Variants in RFTN1 observed in about 807,000 individuals in gnomAD.
The protein encoded by RFTN1 is raftlin, lipid raft linker 1, also known as raftlin.
RFTN1 carries 26 observed loss-of-function variants against 46.5 expected under a neutral mutation model. That is an observed-to-expected ratio of 0.56 (90% CI 0.41 to 0.78). The LOEUF (loss-of-function observed/expected upper bound fraction) is 0.78. Ranked by LOEUF, RFTN1 falls within the 30% of genes least tolerant of loss-of-function variation. The pLI, the probability that RFTN1 is intolerant of heterozygous loss-of-function variation, is 0.00. For missense variants in RFTN1, 693 were observed against 718.7 expected (o/e 0.96, Z 0.41); for synonymous variants, 261 against 284.2 (o/e 0.92, Z 0.82).
At position 16,449,914 on chromosome 3, in the gene RFTN1, T is replaced by C. The variant is rs2075796013; in HGVS notation, c.146-15877A>G. Among the ~76,000 whole-genome samples the C allele has an allele frequency of 6.6e-6, 1 of 152,028 alleles. No homozygotes were observed. The highest frequency in any genetic ancestry group is 2.4e-5 in the African/African-American group (1 of 41,372). ...AGCCTAGAGAGCTGGTTCTAGAAAA[T>C]GGCCCCATCTCTAGAAGTGACCAGG... On this transcript the variant is annotated intron_variant, in intron 2 of 9. Coordinates refer to ENST00000334133, the MANE Select transcript of RFTN1 (RefSeq NM_015150.2). The surrounding 1 kb of genome is among the most constrained non-coding windows in gnomAD (Gnocchi z 5.1).
At chr3:16,470,829 CA>C (rs1559363523) in intron 2 of RFTN1, among the ~76,000 whole-genome samples, 1 of 152,310 alleles carries the variant, frequency 6.6e-6, no homozygotes, top group East Asian at 1.9e-4. Context: ...ACAAAAATGT[CA>C]TAAAAAATGT....
chr3:16,317,295 G>T lies in RFTN1; in HGVS notation c.1333-63C>A, dbSNP rs2068512824. ...CCGGGAACCCAGAGCTTCACCCAAAGCCTTGTTTGCATTCATACCCACACC... is the reference window on the plus strand; with the variant it reads ...CCGGGAACCCAGAGCTTCACCCAAATCCTTGTTTGCATTCATACCCACACC... On this transcript the variant is annotated intron_variant, in intron 9 of 9. Coordinates refer to ENST00000334133, the MANE Select transcript of RFTN1 (RefSeq NM_015150.2). This position sits in a 1 kb window ranked among gnomAD's most constrained non-coding sequence, Gnocchi z 4.3. 3.9e-6 allele frequency: 6 copies of T among 1,550,996 alleles called. No individual in the cohort carries two copies. Among genetic ancestry groups the T allele is most frequent in the Non-Finnish European group, 5.2e-6 (6 of 1,143,178 alleles).
intron 4 of RFTN1, among the ~76,000 whole-genome samples, chr3:16,390,914 T>C (rs1014264363): frequency 2.0e-5 from 3 of 152,250 alleles, no homozygotes; most frequent in Non-Finnish European, 4.4e-5. Flanking sequence ...ACATTTTCTT[T>C]TAAAGTTTTT....
intron 3 of RFTN1, among the ~76,000 whole-genome samples, chr3:16,431,234 C>T (rs1240244875): frequency 3.3e-5 from 5 of 152,214 alleles, no homozygotes; most frequent in Non-Finnish European, 7.3e-5. Context: ...CTGGTGCTTA[C>T]AGCTCTCCTA....
chr3:16,399,534 C>T (rs1487997408), intron 4 of RFTN1, among the ~76,000 whole-genome samples: 3 of 152,176 alleles, frequency 2.0e-5, no homozygotes, highest in African/African-American at 7.2e-5. Flanking sequence ...GCCTCCATCC[C>T]CCACACTCAG....
In RFTN1 at chr3:16,460,299, A is replaced by G. The variant is rs2075985383; in HGVS notation, c.146-26262T>C. Among the ~76,000 whole-genome samples, 1 of 152,112 alleles carries G rather than the reference A, an allele frequency of 6.6e-6. No homozygotes were observed. Among genetic ancestry groups the G allele is most frequent in the Non-Finnish European group, 1.5e-5 (1 of 68,024 alleles). ...ACATGGGTAGCATTTATATTAACTA[A>G]ATTTGGTTTTCATTTTAGAAACAAA... On this transcript the variant is annotated intron_variant, in intron 2 of 9. Coordinates refer to ENST00000334133, the MANE Select transcript of RFTN1 (RefSeq NM_015150.2). The surrounding 1 kb of genome is among the most constrained non-coding windows in gnomAD (Gnocchi z 4.8).
chr3:16,428,945 G>A lies in RFTN1; in HGVS notation c.332+4906C>T, dbSNP rs1213194124. On this transcript the variant is annotated intron_variant, in intron 3 of 9. Coordinates refer to ENST00000334133, the MANE Select transcript of RFTN1 (RefSeq NM_015150.2). This position sits in a 1 kb window ranked among gnomAD's most constrained non-coding sequence, Gnocchi z 4.7. ...CTTAACTATACTTAGAATTCAGAGT[G>A]AGTGCAACTATATTGTCTATTAAAA... is the stretch of plus-strand genomic sequence containing the variant. Among the ~76,000 whole-genome samples the A allele has an allele frequency of 1.3e-5, 2 of 152,216 alleles. No homozygotes were observed. Among genetic ancestry groups the A allele is most frequent in the African/African-American group, 2.4e-5 (1 of 41,472 alleles).
In RFTN1 at chr3:16,489,216, G is replaced by A. The variant is rs371301406; in HGVS notation, c.145+4509C>T. Among the ~76,000 whole-genome samples the A allele has an allele frequency of 2.0e-5, 3 of 152,040 alleles. No homozygotes were observed. The highest frequency in any genetic ancestry group is 4.4e-5 in the Non-Finnish European group (3 of 68,012). ...GCAGATCACCTGAGATCAGGAGTTC[G>A]AGACCAGCCTGGCCAACATGGCAAA... On this transcript the variant is annotated intron_variant, in intron 2 of 9. Coordinates refer to ENST00000334133, the MANE Select transcript of RFTN1 (RefSeq NM_015150.2). The surrounding 1 kb of genome is among the most constrained non-coding windows in gnomAD (Gnocchi z 4.0).
Position 16,478,831 on chromosome 3 carries a change from T to A in RFTN1, c.145+14894A>T, listed in dbSNP as rs1187818305. ...CTCCCTCAGTTCCTTGCCACATGGG[T>A]CTCTCCACAGGTCAGCTCACAACAC... On this transcript the variant is annotated intron_variant, in intron 2 of 9. Transcript: ENST00000334133. Among the ~76,000 whole-genome samples, 6 of 152,264 alleles carry A rather than the reference T, an allele frequency of 3.9e-5. No individual in the cohort carries two copies. The East Asian group carries it at 1.2e-3, about 29-fold the overall frequency.
At chr3:16,417,678 G>A (rs1276934348) in intron 3 of RFTN1, among the ~76,000 whole-genome samples, 1 of 152,198 alleles carries the variant, frequency 6.6e-6, no homozygotes, top group Non-Finnish European at 1.5e-5. Context: ...GGAAGGGTCA[G>A]ATGGCCAAAC....
intron 2 of RFTN1, among the ~76,000 whole-genome samples, chr3:16,477,595 G>C (rs1320527392): frequency 6.6e-6 from 1 of 152,168 alleles, no homozygotes; most frequent in Non-Finnish European, 1.5e-5. Context: ...GGGACATATG[G>C]GAAGAGCCAA....
chr3:16,463,911 T>C (rs1053792218), intron 2 of RFTN1, among the ~76,000 whole-genome samples: 5 of 152,208 alleles, frequency 3.3e-5, no homozygotes, highest in African/African-American at 1.2e-4. Context: ...AGGTTGCTCC[T>C]GGCTTACACC....
At position 16,433,785 on chromosome 3, in the gene RFTN1, C is replaced by T; in HGVS notation, c.332+66G>A. On this transcript the variant is annotated intron_variant, in intron 3 of 9. Transcript: ENST00000334133. This position sits in a 1 kb window ranked among gnomAD's most constrained non-coding sequence, Gnocchi z 4.4. ...AACCCCCAACCCCATCCTCTCACTTCCCCTCCTCTATTGAGCATAACTTAG... is the reference window on the plus strand; with the variant it reads ...AACCCCCAACCCCATCCTCTCACTTTCCCTCCTCTATTGAGCATAACTTAG... The T allele has an allele frequency of 6.5e-7, 1 of 1,536,270 alleles. No homozygotes were observed. The highest frequency in any genetic ancestry group is 9.0e-7 in the Non-Finnish European group (1 of 1,110,444).
rs1310928253 is a variant in RFTN1 at position 16,425,871 on chromosome 3, G to C, written c.332+7980C>G. 1.1e-4 allele frequency among the ~76,000 whole-genome samples: 16 copies of C among 152,072 alleles called. No homozygotes were observed. Among genetic ancestry groups the C allele is most frequent in the Admixed American group, 9.8e-4 (15 of 15,258 alleles). Reference sequence around the variant, plus strand: ...TCCTCAGGGGGTACGGTGGCAGCCCGGAGAGCTAATCAAATCCTCCACACC... The same window carrying C: ...TCCTCAGGGGGTACGGTGGCAGCCCCGAGAGCTAATCAAATCCTCCACACC... On this transcript the variant is annotated intron_variant, in intron 3 of 9. Transcript: ENST00000334133. This position sits in a 1 kb window ranked among gnomAD's most constrained non-coding sequence, Gnocchi z 4.3.
rs2071726494 is a variant in RFTN1 at position 16,346,477 on chromosome 3, C to T, written c.1146+11455G>A. 1 of 152,070 alleles carries T rather than the reference C, an allele frequency of 6.6e-6. No homozygotes were observed. The highest frequency in any genetic ancestry group is 1.5e-5 in the Non-Finnish European group (1 of 68,006). The allele number at this position is 152,070 out of a possible 1,614,324, so 9.4% of individuals were successfully genotyped here. On this transcript the variant is annotated intron_variant, in intron 7 of 9. Coordinates refer to ENST00000334133, the MANE Select transcript of RFTN1 (RefSeq NM_015150.2). This position sits in a 1 kb window ranked among gnomAD's most constrained non-coding sequence, Gnocchi z 4.4. ...TCATTATCCAAACCGTCAACAAGTC[C>T]AGTCTTCTTGAAAATACCTCTAGGA... is the stretch of plus-strand genomic sequence containing the variant.
intron 4 of RFTN1, among the ~76,000 whole-genome samples, chr3:16,398,244 C>CAAAAAAAAAAAAAAAA (rs202032095): frequency 3.8e-4 from 42 of 110,926 alleles, no homozygotes; most frequent in African/African-American, 6.8e-4. Flanking sequence ...AAGACTGTCT[C>CAAAAAAAAAAAAAAAA]AAAAAAAAAA....
In RFTN1 at chr3:16,321,420, C is replaced by T. The variant is rs1402494289; in HGVS notation, c.1332+1956G>A. ...AGCTGCTTCAGGGAGTGGGGGTGGT[C>T]CCAACATCCGGGCTGCAAGAGCTCA... On this transcript the variant is annotated intron_variant, in intron 9 of 9. Transcript: ENST00000334133. The surrounding 1 kb of genome is among the most constrained non-coding windows in gnomAD (Gnocchi z 4.8). Among the ~76,000 whole-genome samples the T allele has an allele frequency of 6.6e-6, 1 of 152,094 alleles. No individual in the cohort carries two copies. The highest frequency in any genetic ancestry group is 1.5e-5 in the Non-Finnish European group (1 of 68,004).
At position 16,351,427 on chromosome 3, in the gene RFTN1, A is replaced by T. The variant is rs2072095476; in HGVS notation, c.1146+6505T>A. On this transcript the variant is annotated intron_variant, in intron 7 of 9. Transcript: ENST00000334133. This position sits in a 1 kb window ranked among gnomAD's most constrained non-coding sequence, Gnocchi z 5.4. Reference sequence around the variant, plus strand: ...GAAATGGGCAGAAGCGAATAGTATGAAATAAAATGGGGGTTAACTCAACAA... The same window carrying T: ...GAAATGGGCAGAAGCGAATAGTATGTAATAAAATGGGGGTTAACTCAACAA... 6.6e-6 allele frequency among the ~76,000 whole-genome samples: 1 copy of T among 152,230 alleles called. No homozygotes were observed. The highest frequency in any genetic ancestry group is 1.5e-5 in the Non-Finnish European group (1 of 68,040).
Position 16,509,521 on chromosome 3 carries a change from C to T in RFTN1, c.-9+3921G>A, listed in dbSNP as rs751513344. Among the ~76,000 whole-genome samples, 1 of 152,152 alleles carries T rather than the reference C, an allele frequency of 6.6e-6. No individual in the cohort carries two copies. Among genetic ancestry groups the T allele is most frequent in the Non-Finnish European group, 1.5e-5 (1 of 68,032 alleles). ...GTGCAAAATGTACAACAGTGCCTGGCAAAGGGTAAGCACTCAGCAAGTGGC... is the reference window on the plus strand; with the variant it reads ...GTGCAAAATGTACAACAGTGCCTGGTAAAGGGTAAGCACTCAGCAAGTGGC... On this transcript the variant is annotated intron_variant, in intron 1 of 9. Coordinates refer to ENST00000334133, the MANE Select transcript of RFTN1 (RefSeq NM_015150.2). The surrounding 1 kb of genome is among the most constrained non-coding windows in gnomAD (Gnocchi z 4.9).
Sources: allele counts gnomAD v4.1 joint callset (sites outside exome capture counted in the v4.1 genomes callset), GRCh38; gene constraint gnomAD v4.1.1; non-coding constraint Gnocchi (gnomAD v3.1); transcripts MANE v1.5; gene names NCBI Gene and HGNC (gene_info 2026-07-23, HGNC 2026-07-21).